MAP2K5: variants seen among roughly 807,000 people sequenced by gnomAD.
MAP2K5 encodes the protein mitogen-activated protein kinase kinase 5.
In MAP2K5, 49 loss-of-function variants were observed where a neutral mutation model predicts 83.1. The ratio of observed to expected loss-of-function variants is 0.59; its 90% CI spans 0.47 to 0.75. The LOEUF is 0.75. Among genes scored for constraint, MAP2K5 ranks in the 30% least tolerant of loss-of-function variants. The probability of loss-of-function intolerance (pLI) is 0.00; values close to 1 mark genes in which losing one functional copy is unlikely to be tolerated. For synonymous variants in MAP2K5, 202 were observed against 191.8 expected, an observed-to-expected ratio of 1.05 and a Z score of -0.44; for missense variants, 457 against 557.5, an observed-to-expected ratio of 0.82 and a Z score of 1.82.
chr15:67,629,719 G>A (rs1007055446), intron 8 of MAP2K5, among the ~76,000 whole-genome samples: 14 of 152,078 alleles, frequency 9.2e-5, no homozygotes, highest in Admixed American at 2.0e-4. Flanking sequence ...AGGAAGAGCC[G>A]TCTGATCTTA....
At chr15:67,753,504 CAAAT>C (rs1327220226) in intron 19 of MAP2K5, among the ~76,000 whole-genome samples, 3 of 151,844 alleles carry the variant, frequency 2.0e-5, no homozygotes, top group Non-Finnish European at 4.4e-5. Context: ...AATAAAAAGA[CAAAT>C]AGCCAATTTA....
chr15:67,660,436 G>A (rs1049123701), intron 12 of MAP2K5, among the ~76,000 whole-genome samples: 2 of 152,234 alleles, frequency 1.3e-5, no homozygotes, highest in Non-Finnish European at 2.9e-5. Context: ...GTGGGCTGTG[G>A]TGTGTAAACT....
rs557336131 is a variant in MAP2K5 at position 67,599,541 on chromosome 15, T to C, written c.481-1144T>C. Among the ~76,000 whole-genome samples the C allele has an allele frequency of 5.3e-5, 8 of 152,326 alleles. No homozygotes were observed. The East Asian group carries it at 7.7e-4, about 15-fold the overall frequency. On this transcript the variant is annotated intron_variant, in intron 7 of 21. Coordinates refer to ENST00000178640, the MANE Select transcript of MAP2K5 (RefSeq NM_145160.3). ...GTAAATGAACCCTTGCTTTATTCAATTGGTGGAAGTTTAGAGTAGAGCAAA... is the reference window on the plus strand; with the variant it reads ...GTAAATGAACCCTTGCTTTATTCAACTGGTGGAAGTTTAGAGTAGAGCAAA...
intron 13 of MAP2K5, among the ~76,000 whole-genome samples, chr15:67,673,107 C>G (rs1287164213): frequency 6.6e-6 from 1 of 152,138 alleles, no homozygotes; most frequent in Non-Finnish European, 1.5e-5. Context: ...ATTCCTCCAG[C>G]TTTGTTCTTT....
intron 16 of MAP2K5, among the ~76,000 whole-genome samples, chr15:67,710,648 C>A (rs1188267277): frequency 6.6e-6 from 1 of 152,078 alleles, no homozygotes; most frequent in African/African-American, 2.4e-5. Flanking sequence ...GGATCACAGG[C>A]ATGCGCCACC....
At chr15:67,803,230 A>G (rs2090738083) in intron 21 of MAP2K5, among the ~76,000 whole-genome samples, 1 of 152,164 alleles carries the variant, frequency 6.6e-6, no homozygotes, top group Admixed American at 6.5e-5. Context: ...AGTAATACGA[A>G]GGAGATGGGG....
chr15:67,628,588 G>C, intron 8 of MAP2K5: 1 of 1,258,268 alleles, frequency 7.9e-7, no homozygotes, highest in Non-Finnish European at 1.1e-6. Context: ...GACTGACCAA[G>C]GCAGTGGCAA....
At chr15:67,627,953 A>G (rs1342523828) in intron 8 of MAP2K5, 23 of 768,190 alleles carry the variant, frequency 3.0e-5, no homozygotes, top group Non-Finnish European at 4.5e-5. Context: ...GAGCCATTTT[A>G]AGCAATGGGG....
rs549980693 is a variant in MAP2K5, at chr15:67,702,850, A to G, written c.973-487A>G. Among the ~76,000 whole-genome samples, 16 of 152,346 alleles carry G rather than the reference A, an allele frequency of 1.1e-4. No individual in the cohort carries two copies. Among genetic ancestry groups the G allele is most frequent in the Admixed American group, 6.5e-4 (10 of 15,298 alleles). Reference sequence around the variant, plus strand: ...CTGATCTCATTTTTTCAAATTTCCTATAAGTTTGAAATTATTTTCAAATAA... The same window carrying G: ...CTGATCTCATTTTTTCAAATTTCCTGTAAGTTTGAAATTATTTTCAAATAA... On this transcript the variant is annotated intron_variant, in intron 15 of 21. Coordinates refer to ENST00000178640, the MANE Select transcript of MAP2K5 (RefSeq NM_145160.3). This position sits in a 1 kb window ranked among gnomAD's most constrained non-coding sequence, Gnocchi z 4.6.
intron 8 of MAP2K5, among the ~76,000 whole-genome samples, chr15:67,623,628 CTTG>C (rs1339073306): frequency 8.3e-5 from 12 of 144,412 alleles, no homozygotes; most frequent in Admixed American, 4.9e-4. Context: ...GAGTTTTGCT[CTTG>C]TTGTCCAGGA....
At chr15:67,745,793 G>A (rs1027010058) in intron 17 of MAP2K5, among the ~76,000 whole-genome samples, 5 of 152,158 alleles carry the variant, frequency 3.3e-5, no homozygotes, top group African/African-American at 7.2e-5. Flanking sequence ...CAATGATGTT[G>A]CATCATCAAA....
At position 67,702,326 on chromosome 15, in the gene MAP2K5, A is replaced by G. The variant is rs908252232; in HGVS notation, c.973-1011A>G. On this transcript the variant is annotated intron_variant, in intron 15 of 21. Transcript: ENST00000178640. This position sits in a 1 kb window ranked among gnomAD's most constrained non-coding sequence, Gnocchi z 4.6. ...TAGAAATTCTTTAATAAATGCACAC[A>G]TAATTGTGTTGTTGATGATAGTAAT... 6.6e-6 allele frequency among the ~76,000 whole-genome samples: 1 copy of G among 152,240 alleles called. No individual in the cohort carries two copies. Among genetic ancestry groups the G allele is most frequent in the Non-Finnish European group, 1.5e-5 (1 of 68,044 alleles).
chr15:67,588,300 T>C (rs963140948), intron 6 of MAP2K5, among the ~76,000 whole-genome samples: 1 of 152,232 alleles, frequency 6.6e-6, no homozygotes, highest in African/African-American at 2.4e-5. Context: ...CCCGTTTTCC[T>C]GTTTCTTTTC....
intron 16 of MAP2K5, among the ~76,000 whole-genome samples, chr15:67,710,474 TC>T (rs1034884002): frequency 1.5e-4 from 22 of 148,444 alleles, no homozygotes; most frequent in African/African-American, 4.9e-4. Flanking sequence ...GTCACTGTCA[TC>T]CAAGTAACAT....
At chr15:67,614,136 A>G (rs1228483415) in intron 8 of MAP2K5, among the ~76,000 whole-genome samples, 2 of 152,206 alleles carry the variant, frequency 1.3e-5, no homozygotes, top group African/African-American at 4.8e-5. Context: ...CAGAGGACCC[A>G]GATCTACTTC....
rs182061197 is a variant in MAP2K5 at position 67,801,001 on chromosome 15, C to T, written c.1243-5645C>T. Among the ~76,000 whole-genome samples the T allele has an allele frequency of 2.9e-4, 44 of 152,162 alleles. 1 individual carries two copies. Among genetic ancestry groups the T allele is most frequent in the Admixed American group, 1.0e-3 (16 of 15,290 alleles). On this transcript the variant is annotated intron_variant, in intron 21 of 21. Coordinates refer to ENST00000178640, the MANE Select transcript of MAP2K5 (RefSeq NM_145160.3). This position sits in a 1 kb window ranked among gnomAD's most constrained non-coding sequence, Gnocchi z 4.8. ...TGAGTGTATGTTATTTTTTTAAATC[C>T]GTTTTTAAAACTGTAGCTAAAAATT...
At chr15:67,797,866 A>G (rs1248334780) in intron 21 of MAP2K5, among the ~76,000 whole-genome samples, 1 of 152,120 alleles carries the variant, frequency 6.6e-6, no homozygotes, top group African/African-American at 2.4e-5. Context: ...TATTTTTAGT[A>G]GAGACAGGGT....
In MAP2K5 at chr15:67,640,949, A is replaced by T. The variant is rs543438639; in HGVS notation, c.586-5282A>T. 2.8e-4 allele frequency among the ~76,000 whole-genome samples: 42 copies of T among 152,352 alleles called. No homozygotes were observed. Among genetic ancestry groups the T allele is most frequent in the African/African-American group, 9.1e-4 (38 of 41,592 alleles). ...ACATTTTAAAGATAACTATTTCATA[A>T]TGACCATGTGTAATTCATGAAACGT... On this transcript the variant is annotated intron_variant, in intron 9 of 21. Coordinates refer to ENST00000178640, the MANE Select transcript of MAP2K5 (RefSeq NM_145160.3). The surrounding 1 kb of genome is among the most constrained non-coding windows in gnomAD (Gnocchi z 4.6).
intron 20 of MAP2K5, among the ~76,000 whole-genome samples, chr15:67,771,427 A>G (rs1423783825): frequency 6.6e-6 from 1 of 152,022 alleles, no homozygotes; most frequent in Non-Finnish European, 1.5e-5. Context: ...ATAAGGCTTC[A>G]CCTCCCTCCT....
Sources: allele counts gnomAD v4.1 joint callset (sites outside exome capture counted in the v4.1 genomes callset), GRCh38; gene constraint gnomAD v4.1.1; non-coding constraint Gnocchi (gnomAD v3.1); transcripts MANE v1.5; gene names NCBI Gene and HGNC (gene_info 2026-07-23, HGNC 2026-07-21).